Variants in GMDS observed in about 807,000 individuals in gnomAD.
GMDS encodes the protein GDP-mannose 4,6-dehydratase.
Under a neutral mutation model 49.9 loss-of-function variants are expected in GMDS, and 20 were observed. The ratio of observed to expected loss-of-function variants is 0.40; its 90% CI spans 0.28 to 0.58. The LOEUF is 0.58. GMDS is among the 20% of genes least tolerant of loss of function. GMDS has a pLI of 0.42. For synonymous variants in GMDS, 177 were observed against 178.6 expected (o/e 0.99, Z 0.07); for missense variants, 362 against 481.4 (o/e 0.75, Z 2.32).
intron 7 of GMDS, among the ~76,000 whole-genome samples, chr6:1,893,411 C>T (rs539900776): frequency 1.3e-5 from 2 of 151,916 alleles, no homozygotes; most frequent in East Asian, 1.9e-4. Context: ...AGGCTGGTCT[C>T]GAACTCCTGA....
chr6:2,173,061 T>A (rs937357874), intron 1 of GMDS, among the ~76,000 whole-genome samples: 6 of 152,172 alleles, frequency 3.9e-5, no homozygotes, highest in Admixed American at 3.9e-4. Context: ...AATTTTAAAA[T>A]GACACAAATA....
intron 1 of GMDS, among the ~76,000 whole-genome samples, chr6:2,213,386 C>G (rs2127584549): frequency 6.6e-6 from 1 of 152,264 alleles, no homozygotes; most frequent in South Asian, 2.1e-4. Context: ...GGGTTTCAAT[C>G]TTTTTCATTT....
intron 4 of GMDS, among the ~76,000 whole-genome samples, chr6:2,042,440 T>C (rs191089789): frequency 1.0e-3 from 158 of 152,140 alleles, no homozygotes; most frequent in South Asian, 3.5e-3. Flanking sequence ...CCCCACCCCA[T>C]ACCCTGGGCA....
At chr6:2,170,615 T>C (rs1777949451) in intron 1 of GMDS, among the ~76,000 whole-genome samples, 1 of 148,356 alleles carries the variant, frequency 6.7e-6, no homozygotes, top group Non-Finnish European at 1.5e-5. Context: ...TGACAGAGTG[T>C]GACCCTGCCT....
intron 9 of GMDS, among the ~76,000 whole-genome samples, chr6:1,723,303 T>TTC (rs1766452226): frequency 6.8e-6 from 1 of 146,670 alleles, no homozygotes; most frequent in Non-Finnish European, 1.5e-5. Flanking sequence ...TGTCCTATTT[T>TTC]TTTTTTTTCA....
intron 4 of GMDS, among the ~76,000 whole-genome samples, chr6:1,989,020 G>A (rs1165487115): frequency 6.6e-6 from 1 of 152,222 alleles, no homozygotes; most frequent in Admixed American, 6.5e-5. Context: ...GAGCTGCAGG[G>A]GGCATGAGCC....
intron 7 of GMDS, among the ~76,000 whole-genome samples, chr6:1,817,608 CAT>C (rs769911955): frequency 6.6e-6 from 1 of 152,120 alleles, no homozygotes; most frequent in Non-Finnish European, 1.5e-5. Context: ...ACCATAAAAA[CAT>C]ATAAAAGTAC....
chr6:2,175,122 T>C (rs920681758), intron 1 of GMDS, among the ~76,000 whole-genome samples: 1 of 152,128 alleles, frequency 6.6e-6, no homozygotes, highest in Non-Finnish European at 1.5e-5. Flanking sequence ...TCTTGAGAAG[T>C]CTTATGGTTG....
chr6:1,784,931 C>T (rs1304954345), intron 7 of GMDS, among the ~76,000 whole-genome samples: 2 of 152,190 alleles, frequency 1.3e-5, no homozygotes, highest in Non-Finnish European at 2.9e-5. Context: ...TAGTTTTGAA[C>T]ATTACTATTC....
intron 9 of GMDS, among the ~76,000 whole-genome samples, chr6:1,680,210 G>A (rs1293321120): frequency 6.6e-6 from 1 of 152,178 alleles, no homozygotes; most frequent in East Asian, 1.9e-4. Context: ...CCTCAGAGGT[G>A]AACTTCACTT....
chr6:2,014,117 C>T (rs1239029995), intron 4 of GMDS, among the ~76,000 whole-genome samples: 3 of 132,294 alleles, frequency 2.3e-5, no homozygotes, highest in Non-Finnish European at 3.2e-5. Flanking sequence ...AAATTATCCC[C>T]CCCCCCCAAA....
intron 4 of GMDS, among the ~76,000 whole-genome samples, chr6:2,009,846 G>C (rs115584623): frequency 1.9e-3 from 292 of 152,292 alleles, no homozygotes; most frequent in Non-Finnish European, 3.2e-3. Flanking sequence ...CTCCAAAACA[G>C]ATTGCTTATA....
intron 9 of GMDS, among the ~76,000 whole-genome samples, chr6:1,710,037 C>T (rs185609056): frequency 2.4e-4 from 37 of 152,310 alleles, no homozygotes; most frequent in African/African-American, 8.4e-4. Context: ...CATACAAGTA[C>T]ACTTAAAATA....
At chr6:1,676,538 C>T (rs1162359926) in intron 9 of GMDS, among the ~76,000 whole-genome samples, 1 of 152,188 alleles carries the variant, frequency 6.6e-6, no homozygotes, top group East Asian at 1.9e-4. Flanking sequence ...AACTATACTG[C>T]AAGGCTACAG....
intron 4 of GMDS, among the ~76,000 whole-genome samples, chr6:1,971,181 T>C (rs1362610230): frequency 6.6e-6 from 1 of 152,094 alleles, no homozygotes; most frequent in South Asian, 2.1e-4. Flanking sequence ...AGTCTATAGT[T>C]TGTTCAGTGG....
intron 7 of GMDS, among the ~76,000 whole-genome samples, chr6:1,821,119 G>C (rs914299677): frequency 6.6e-6 from 1 of 152,194 alleles, no homozygotes; most frequent in Non-Finnish European, 1.5e-5. Context: ...AGAGTGAAAG[G>C]ATATTTTGAG....
chr6:2,108,706 G>A (rs1774377385), intron 4 of GMDS, among the ~76,000 whole-genome samples: 1 of 152,184 alleles, frequency 6.6e-6, no homozygotes, highest in Non-Finnish European at 1.5e-5. Flanking sequence ...TCAGAGTCCT[G>A]CGGTATCTTC....
At chr6:2,054,351 C>A (rs1263791006) in intron 4 of GMDS, among the ~76,000 whole-genome samples, 1 of 152,066 alleles carries the variant, frequency 6.6e-6, no homozygotes, top group African/African-American at 2.4e-5. Flanking sequence ...TAGCTAAGGG[C>A]ATCTGAGATC....
Position 1,624,198 on chromosome 6 carries a change from C to T in GMDS, c.1090G>A (p.Glu364Lys), listed in dbSNP as rs1483188834. ...GCATTGGGGTTTGTCCTCATGAGCT[C>T]CACGTCGGCGTGCACCATCTCCCTC... is the stretch of plus-strand genomic sequence containing the variant. Reference protein sequence around the residue: ...LVREMVHADVELMRTNPNA With the variant: ...LVREMVHADVKLMRTNPNA Residue 364 changes from glutamate to lysine, a missense_variant, in exon 11 of 11, where the codon GAG becomes AAG. Glu to Lys is a moderately conservative substitution (Grantham distance 56). Coordinates refer to ENST00000380815, the MANE Select transcript of GMDS (RefSeq NM_001500.4). 1.2e-6 allele frequency: 2 copies of T among 1,610,742 alleles called. No homozygotes were observed. The highest frequency in any genetic ancestry group is 1.7e-6 in the Non-Finnish European group (2 of 1,179,816).
Sources: gnomAD v4.1 joint callset for allele counts (sites outside exome capture counted in the v4.1 genomes callset) on GRCh38, gnomAD v4.1.1 for gene constraint, MANE v1.5 for transcripts, NCBI Gene and HGNC (gene_info 2026-07-23, HGNC 2026-07-21) for gene names.